The following AMOTL1 variants were observed in gnomAD, a reference collection of about 807,000 sequenced individuals.
The protein encoded by AMOTL1 is angiomotin-like protein 1.
Under a neutral mutation model 102.9 loss-of-function variants are expected in AMOTL1, and 45 were observed. The observed-to-expected ratio is 0.44, with a 90% confidence interval of 0.34 to 0.56. The LOEUF is 0.56. Ranked by LOEUF, AMOTL1 falls within the 20% of genes least tolerant of loss-of-function variation. The pLI is 0.01. For missense variants in AMOTL1, 1,114 were observed against 1,225.6 expected (o/e 0.91, Z 1.36); for synonymous variants, 481 against 484.7 (o/e 0.99, Z 0.10).
intron 1 of AMOTL1, chr11:94,706,699 A>G (rs920741317): frequency 2.6e-5 from 4 of 152,264 alleles, no homozygotes; most frequent in African/African-American, 9.7e-5. Context: ...AGATCAAGAA[A>G]TACTCCATTG....
intron 2 of AMOTL1, among the ~76,000 whole-genome samples, chr11:94,798,328 G>A (rs1951406388): frequency 6.6e-6 from 1 of 152,178 alleles, no homozygotes; most frequent in Non-Finnish European, 1.5e-5. Context: ...TATTAATGAT[G>A]AACTTGGAGA....
intron 8 of AMOTL1, among the ~76,000 whole-genome samples, chr11:94,857,807 G>A (rs562210497): frequency 6.6e-6 from 1 of 152,246 alleles, no homozygotes; most frequent in African/African-American, 2.4e-5. Context: ...AATCTGTAGT[G>A]TTCACTGTTG....
rs371806495 is a variant in AMOTL1 at position 94,799,921 on chromosome 11, C to A, written c.731C>A (p.Ala244Glu). 7.5e-6 allele frequency: 12 copies of A among 1,610,462 alleles called. No homozygotes were observed. The highest frequency in any genetic ancestry group is 1.6e-4 in the Middle Eastern group (1 of 6,066). Reference protein sequence around the residue: ...PTVNRANSGQAHKDEALKELK... With the variant: ...PTVNRANSGQEHKDEALKELK... ...GTGAACCGTGCCAACAGTGGACAGG[C>A]GCATAAGGACGAGGCGCTGAAGGAA... The change falls in exon 3 of 13, where the codon GCG (alanine) becomes GAG (glutamate). Residue 244 changes from alanine (A) to glutamate (E), a missense_variant. Physicochemically the swap from Ala to Glu is moderately radical, Grantham distance 107. Coordinates refer to ENST00000433060, the MANE Select transcript of AMOTL1 (RefSeq NM_130847.3). This position sits in a 1 kb window ranked among gnomAD's most constrained non-coding sequence, Gnocchi z 4.5.
intron 2 of AMOTL1, among the ~76,000 whole-genome samples, chr11:94,798,650 G>A (rs1305050265): frequency 6.6e-6 from 1 of 152,096 alleles, no homozygotes; most frequent in African/African-American, 2.4e-5. Flanking sequence ...GCATAAAGGT[G>A]GAAGAGCACT....
At chr11:94,820,006 C>T (rs1435937554) in intron 3 of AMOTL1, among the ~76,000 whole-genome samples, 2 of 152,140 alleles carry the variant, frequency 1.3e-5, no homozygotes, top group Admixed American at 1.3e-4. Context: ...TATGAAGGGA[C>T]ACCCTTATGT....
Position 94,799,336 on chromosome 11 carries a change from C to T in AMOTL1, c.200-54C>T. ...TAATTATGTACCACATAGTCACAGA[C>T]ATATATCTCCTGTGGAGCTGCCTGA... On this transcript the variant is annotated intron_variant, in intron 2 of 12. Transcript: ENST00000433060. This position sits in a 1 kb window ranked among gnomAD's most constrained non-coding sequence, Gnocchi z 4.5. 2.2e-6 allele frequency: 3 copies of T among 1,373,306 alleles called. No individual in the cohort carries two copies. Among genetic ancestry groups the T allele is most frequent in the Non-Finnish European group, 3.0e-6 (3 of 1,011,372 alleles). The allele number at this position is 1,373,306 out of a possible 1,614,324, so 85.1% of individuals were successfully genotyped here.
At chr11:94,857,123 T>C (rs1203562515) in intron 8 of AMOTL1, among the ~76,000 whole-genome samples, 1 of 152,236 alleles carries the variant, frequency 6.6e-6, no homozygotes, top group Non-Finnish European at 1.5e-5. Context: ...GTAAGTCATC[T>C]TTCTGAGCCT....
intron 7 of AMOTL1, among the ~76,000 whole-genome samples, chr11:94,851,655 G>C (rs539028683): frequency 6.6e-6 from 1 of 152,176 alleles, no homozygotes; most frequent in Admixed American, 6.5e-5. Context: ...AGCAAGTCAC[G>C]TAACCTTGAA....
Position 94,813,079 on chromosome 11 carries a change from T to G in AMOTL1, c.1122-8451T>G, listed in dbSNP as rs528036269. 2.0e-5 allele frequency among the ~76,000 whole-genome samples: 3 copies of G among 152,366 alleles called. No individual in the cohort carries two copies. In the East Asian group the frequency reaches 5.8e-4, roughly 29 times the overall value. ...GAGGTCACCTAGCCTTATATTTTCCTTTTAAGTATGTTTGCTGAAATGTTT... is the reference window on the plus strand; with the variant it reads ...GAGGTCACCTAGCCTTATATTTTCCGTTTAAGTATGTTTGCTGAAATGTTT... On this transcript the variant is annotated intron_variant, in intron 3 of 12. Transcript: ENST00000433060.
At chr11:94,758,350 G>T (rs1161044906) in intron 3 of AMOTL1, among the ~76,000 whole-genome samples, 1 of 152,190 alleles carries the variant, frequency 6.6e-6, no homozygotes, top group Non-Finnish European at 1.5e-5. Flanking sequence ...GGAGACTTCA[G>T]TGTTTTGTTT....
intron 1 of AMOTL1, among the ~76,000 whole-genome samples, chr11:94,715,103 T>G (rs1950076537): frequency 6.6e-6 from 1 of 152,168 alleles, no homozygotes. Flanking sequence ...AAAACGCCCT[T>G]TGAGACTTTC....
At chr11:94,864,110 C>T (rs962765781) in intron 9 of AMOTL1, among the ~76,000 whole-genome samples, 2 of 152,130 alleles carry the variant, frequency 1.3e-5, no homozygotes, top group South Asian at 2.1e-4. Context: ...ATTTACTGAG[C>T]CCCCATTTTA....
chr11:94,740,594 C>G (rs1463051798), intron 2 of AMOTL1, among the ~76,000 whole-genome samples: 1 of 151,738 alleles, frequency 6.6e-6, no homozygotes, highest in Non-Finnish European at 1.5e-5. Context: ...GCCCGGCAGA[C>G]AGAGCAATGC....
chr11:94,729,226 C>A (rs1257577899), intron 2 of AMOTL1, among the ~76,000 whole-genome samples: 1 of 152,116 alleles, frequency 6.6e-6, no homozygotes, highest in African/African-American at 2.4e-5. Flanking sequence ...GTTCAGATAC[C>A]GAATTCACTA....
At chr11:94,756,649 A>G (rs1385106717) in intron 3 of AMOTL1, among the ~76,000 whole-genome samples, 1 of 152,216 alleles carries the variant, frequency 6.6e-6, no homozygotes, top group Admixed American at 6.5e-5. Flanking sequence ...GAATAAGTCT[A>G]TTCCTCATTT....
chr11:94,854,792 C>T (rs1240626589), intron 8 of AMOTL1, among the ~76,000 whole-genome samples: 1 of 152,014 alleles, frequency 6.6e-6, no homozygotes, highest in African/African-American at 2.4e-5. Flanking sequence ...AAGGGGGTGA[C>T]ATTAGTAGCC....
chr11:94,735,206 G>A (rs760929673), intron 2 of AMOTL1, among the ~76,000 whole-genome samples: 9 of 152,208 alleles, frequency 5.9e-5, no homozygotes, highest in Non-Finnish European at 1.3e-4. Flanking sequence ...CAGAGGCTGG[G>A]CAGGGGCTTG....
intron 2 of AMOTL1, among the ~76,000 whole-genome samples, chr11:94,737,786 TGG>T (rs897852947): frequency 6.6e-6 from 1 of 152,250 alleles, no homozygotes; most frequent in Non-Finnish European, 1.5e-5. Context: ...TAATTGGAAT[TGG>T]CAATGGCAAA....
chr11:94,842,277 G>A (rs571133416), intron 6 of AMOTL1, among the ~76,000 whole-genome samples: 4 of 152,242 alleles, frequency 2.6e-5, no homozygotes, highest in South Asian at 4.2e-4. Context: ...TCGACGCACC[G>A]TGAAGAGAGC....
Sources: gnomAD v4.1 joint callset for allele counts (sites outside exome capture counted in the v4.1 genomes callset) on GRCh38, gnomAD v4.1.1 for gene constraint, Gnocchi (gnomAD v3.1) non-coding constraint, MANE v1.5 for transcripts, NCBI Gene and HGNC (gene_info 2026-07-23, HGNC 2026-07-21) for gene names.